EWSR1: variants seen among roughly 807,000 people sequenced by gnomAD.
EWSR1 encodes EWS RNA binding protein 1.
A neutral mutation model predicts 92.1 loss-of-function variants in EWSR1; 14 were observed. The ratio of observed to expected loss-of-function variants is 0.15; its 90% confidence interval spans 0.10 to 0.24. EWSR1 has a LOEUF of 0.24. EWSR1 is among the 10% of genes least tolerant of loss of function. The pLI is 1.00. For synonymous variants in EWSR1, 303 were observed against 292.9 expected (o/e 1.03, Z -0.35); for missense variants, 637 against 870.9 (o/e 0.73, Z 3.38).
intron 12 of EWSR1, 121 bp from the exon 13 acceptor site, chr22:29,297,706 A>T: frequency 7.4e-7 from 1 of 1,359,700 alleles, no homozygotes; most frequent in Non-Finnish European, 1.0e-6. Context: ...CTTGTCATTA[A>T]AGATCTTAGA....
chr22:29,277,063 A>G, intron 4 of EWSR1: 1 of 230,176 alleles, frequency 4.3e-6, no homozygotes. Flanking sequence ...GTCATGCTCC[A>G]CGCCGAAGTC....
At chr22:29,293,149 T>A (rs147395653) in intron 11 of EWSR1, among the ~76,000 whole-genome samples, 1 of 152,148 alleles carries the variant, frequency 6.6e-6, no homozygotes, top group Non-Finnish European at 1.5e-5. Context: ...GCTGGACTTA[T>A]AGGCACATGC....
At chr22:29,286,686 CAAAAAAAAAAAAAA>C (rs373796997) in intron 6 of EWSR1, among the ~76,000 whole-genome samples, 5 of 76,348 alleles carry the variant, frequency 6.5e-5, no homozygotes, top group South Asian at 5.0e-4. Flanking sequence ...CACTCTGTCT[CAAAAAAAAAAAAAA>C]AAAAAAAAAA....
At chr22:29,268,509 C>T (rs878945526) in intron 1 of EWSR1, among the ~76,000 whole-genome samples, 160 bp downstream of exon 1, 2 of 152,218 alleles carry the variant, frequency 1.3e-5, no homozygotes, top group African/African-American at 2.4e-5. Flanking sequence ...CATTCCTCTC[C>T]CCTCCCCCAA....
intron 6 of EWSR1, among the ~76,000 whole-genome samples, chr22:29,285,397 C>T (rs2059950835): frequency 6.6e-6 from 1 of 151,254 alleles, no homozygotes; most frequent in South Asian, 2.1e-4. Context: ...GCTGGGATTA[C>T]AGGCATGAGC....
At position 29,268,520 on chromosome 22, in the gene EWSR1, C is replaced by G. The variant is rs1178718288; in HGVS notation, c.13+171C>G. 3.9e-5 allele frequency among the ~76,000 whole-genome samples: 6 copies of G among 152,072 alleles called. No homozygotes were observed. In the South Asian group the frequency reaches 1.0e-3, roughly 26 times the overall value. On this transcript the variant is annotated intron_variant, in intron 1 of 16. Coordinates refer to ENST00000397938, the MANE Select transcript of EWSR1 (RefSeq NM_005243.4). ...TCCGCATTCCTCTCCCCTCCCCCAA[C>G]CGGGCGGGCCGGTTCTGGAATCTTC...
At chr22:29,292,270 A>G (rs780916783) in intron 10 of EWSR1, 101 bp downstream of exon 10, 95 of 1,250,024 alleles carry the variant, frequency 7.6e-5, no homozygotes, top group Middle Eastern at 3.7e-4. Context: ...GACCAGTGTG[A>G]TATTCTTGCT....
chr22:29,268,496 C>A, intron 1 of EWSR1, 147 bp downstream of exon 1: 2 of 1,433,728 alleles, frequency 1.4e-6, no homozygotes, highest in East Asian at 2.3e-5. Flanking sequence ...GCTCGGGGAT[C>A]CGCATTCCTC....
At chr22:29,282,172 C>T (rs536580307) in intron 5 of EWSR1, among the ~76,000 whole-genome samples, 3 of 152,288 alleles carry the variant, frequency 2.0e-5, no homozygotes, top group East Asian at 1.9e-4. Context: ...GATTCTCCCC[C>T]TTCCTTAGTG....
In EWSR1 at chr22:29,268,348, G is replaced by T; in HGVS notation, c.12G>T (p.Thr4=). The part of the protein sequence containing the change: MAS[T]DYSTYSQAAA... ...AGGAAGGAGAGAAAATGGCGTCCAC[G>T]GGTGAGTATGGTGGAACTGCGGTCG... Residue 4 remains threonine, a splice_region_variant and synonymous_variant, in exon 1 of 17, where the codon ACG becomes ACT. Transcript: ENST00000397938. 3 of 1,614,132 alleles carry T rather than the reference G, an allele frequency of 1.9e-6. No homozygotes were observed. The highest frequency in any genetic ancestry group is 2.5e-6 in the Non-Finnish European group (3 of 1,179,994).
intron 11 of EWSR1, among the ~76,000 whole-genome samples, chr22:29,295,035 A>G (rs769084747): frequency 6.6e-5 from 10 of 151,828 alleles, no homozygotes; most frequent in Non-Finnish European, 1.3e-4. Context: ...TTTAGTGTCT[A>G]CTGTCACATT....
Position 29,273,730 on chromosome 22 carries a change from T to C in EWSR1, c.103-11T>C, listed in dbSNP as rs1478789162. ...GTATGAAGTTCTTGCATTCGTTTTTTTTTGGAGCAGGCATATGGGCAACAA... is the reference window on the plus strand; with the variant it reads ...GTATGAAGTTCTTGCATTCGTTTTTCTTTGGAGCAGGCATATGGGCAACAA... On this transcript the variant is annotated splice_polypyrimidine_tract_variant and intron_variant, in intron 3 of 16. Coordinates refer to ENST00000397938, the MANE Select transcript of EWSR1 (RefSeq NM_005243.4). The C allele has an allele frequency of 1.9e-6, 3 of 1,601,886 alleles. No homozygotes were observed. In the East Asian group the frequency reaches 6.7e-5, roughly 36 times the overall value.
At chr22:29,282,055 A>G (rs1372964887) in intron 5 of EWSR1, among the ~76,000 whole-genome samples, 2 of 152,186 alleles carry the variant, frequency 1.3e-5, no homozygotes, top group African/African-American at 4.8e-5. Flanking sequence ...CTAACAGATC[A>G]CTTCTCCCGG....
chr22:29,268,527 G>T (rs1443519677), intron 1 of EWSR1, among the ~76,000 whole-genome samples, 178 bp downstream of exon 1: 1 of 152,074 alleles, frequency 6.6e-6, no homozygotes, highest in Non-Finnish European at 1.5e-5. Flanking sequence ...CAACCGGGCG[G>T]GCCGGTTCTG....
At chr22:29,291,710 A>G in intron 9 of EWSR1, 111 bp downstream of exon 9, 1 of 1,016,982 alleles carries the variant, frequency 9.8e-7, no homozygotes, top group African/African-American at 1.6e-5. Flanking sequence ...TGATCTATAC[A>G]AAAGAGACTA....
chr22:29,273,717 T>C (rs2058875448), intron 3 of EWSR1, 24 bp from the exon 4 acceptor site: 1 of 1,600,896 alleles, frequency 6.2e-7, no homozygotes, highest in Non-Finnish European at 8.5e-7. Context: ...ATGAAGTTCT[T>C]GCATTCGTTT....
At chr22:29,276,631 CTT>C in intron 4 of EWSR1, 2 of 224,190 alleles carry the variant, frequency 8.9e-6, no homozygotes, top group Non-Finnish European at 8.9e-6. Flanking sequence ...GAGATGTAGA[CTT>C]TTTTTTTGGA....
In EWSR1 at chr22:29,300,307, T is replaced by A. The variant is rs1340748380; in HGVS notation, c.*146T>A. On this transcript the variant is annotated 3_prime_UTR_variant, in exon 17 of 17. Transcript: ENST00000397938. ...GTACTTTAGTATTTTTCACCATTTG[T>A]GAAGAAACATTAAAACAAGTTAAAT... 1.0e-5 allele frequency: 8 copies of A among 782,160 alleles called. No individual in the cohort carries two copies. In the East Asian group the frequency reaches 2.3e-4, roughly 22 times the overall value. The allele number at this position is 782,160 out of a possible 1,614,324, so 48.5% of individuals were successfully genotyped here.
At chr22:29,282,864 G>A (rs570101010) in intron 6 of EWSR1, among the ~76,000 whole-genome samples, 51 of 150,470 alleles carry the variant, frequency 3.4e-4, no homozygotes, top group African/African-American at 1.1e-3. Flanking sequence ...CTGGGTTCAC[G>A]CCATTCTCCT....
Sources: gnomAD v4.1 joint callset for allele counts (sites outside exome capture counted in the v4.1 genomes callset) on GRCh38, gnomAD v4.1.1 for gene constraint, MANE v1.5 for transcripts, NCBI Gene and HGNC (gene_info 2026-07-23, HGNC 2026-07-21) for gene names.